The following MMP16 variants were observed in gnomAD, a reference collection of about 807,000 sequenced individuals.
MMP16 encodes the protein matrix metallopeptidase 16, also known as matrix metalloproteinase-16.
Under a neutral mutation model 67.8 loss-of-function variants are expected in MMP16, and 12 were observed. The observed-to-expected ratio is 0.18, with a 90% CI of 0.11 to 0.29. The LOEUF (loss-of-function observed/expected upper bound fraction) is 0.29, where lower values mean the gene tolerates loss of function less well. Among genes scored for constraint, MMP16 ranks in the 10% least tolerant of loss-of-function variants. The pLI, the probability that MMP16 is intolerant of heterozygous loss-of-function variation, is 1.00. For missense variants in MMP16, 475 were observed against 765.7 expected, an observed-to-expected ratio of 0.62 and a Z score of 4.48; for synonymous variants, 249 against 255.9, an observed-to-expected ratio of 0.97 and a Z score of 0.26.
At chr8:88,186,345 AATCT>A in intron 3 of MMP16, 127 bp downstream of exon 3, 2 of 1,198,842 alleles carry the variant, frequency 1.7e-6, no homozygotes, top group Non-Finnish European at 2.3e-6. Flanking sequence ...AGCAATTTTA[AATCT>A]CTTATGTTAA....
chr8:88,189,654 C>A (rs1742693427), intron 2 of MMP16, among the ~76,000 whole-genome samples: 1 of 152,142 alleles, frequency 6.6e-6, no homozygotes, highest in Admixed American at 6.6e-5. Flanking sequence ...GAGGGTGTCC[C>A]CTGTCCTCCT....
At chr8:88,183,044 C>T (rs190662073) in intron 3 of MMP16, among the ~76,000 whole-genome samples, 8 of 151,764 alleles carry the variant, frequency 5.3e-5, no homozygotes, top group Non-Finnish European at 1.2e-4. Context: ...CAGTGCTGGC[C>T]AGGGCTTTTG....
chr8:88,070,214 G>T (rs1176749615), intron 7 of MMP16, among the ~76,000 whole-genome samples: 1 of 152,080 alleles, frequency 6.6e-6, no homozygotes, highest in East Asian at 1.9e-4. Context: ...ACCTTGTTGG[G>T]TCAGTATCTC....
At chr8:88,302,849 G>A (rs1686191050) in intron 1 of MMP16, among the ~76,000 whole-genome samples, 1 of 152,158 alleles carries the variant, frequency 6.6e-6, no homozygotes, top group South Asian at 2.1e-4. Context: ...TAGGCAAATA[G>A]CTCGACCCAT....
intron 1 of MMP16, among the ~76,000 whole-genome samples, chr8:88,313,236 T>C (rs1343286975): frequency 6.6e-6 from 1 of 152,212 alleles, no homozygotes; most frequent in African/African-American, 2.4e-5. Flanking sequence ...TTTTAACATT[T>C]CATGCAGTGT....
At chr8:88,262,320 T>C (rs970500506) in intron 1 of MMP16, among the ~76,000 whole-genome samples, 1 of 152,238 alleles carries the variant, frequency 6.6e-6, no homozygotes, top group African/African-American at 2.4e-5. Context: ...TTTTGCAGGC[T>C]GTGTTTGTAT....
At chr8:88,118,644 G>C in intron 5 of MMP16, 56 bp downstream of exon 5, 1 of 1,484,894 alleles carries the variant, frequency 6.7e-7, no homozygotes, top group Non-Finnish European at 9.3e-7. Flanking sequence ...AGAAAACACA[G>C]CAGAAATTCT....
At chr8:88,303,183 G>A (rs1254544312) in intron 1 of MMP16, among the ~76,000 whole-genome samples, 5 of 152,138 alleles carry the variant, frequency 3.3e-5, no homozygotes, top group South Asian at 2.1e-4. Context: ...ACATACACCC[G>A]GGGGCGGGGC....
At position 88,247,485 on chromosome 8, in the gene MMP16, G is replaced by A. The variant is rs191161898; in HGVS notation, c.133-50179C>T. ...TCAAGTCAGCTCTTGTGCAGCACTA[G>A]TTGTTCCTGTGCATTCTCTATCTCT... On this transcript the variant is annotated intron_variant, in intron 1 of 9. Coordinates refer to ENST00000286614, the MANE Select transcript of MMP16 (RefSeq NM_005941.5). Among the ~76,000 whole-genome samples the A allele has an allele frequency of 1.7e-3, 255 of 152,212 alleles. 2 individuals are homozygous for A. The highest frequency in any genetic ancestry group is 5.8e-3 in the African/African-American group (243 of 41,548).
At chr8:88,052,440 A>G (rs1808282219) in intron 8 of MMP16, among the ~76,000 whole-genome samples, 1 of 152,014 alleles carries the variant, frequency 6.6e-6, no homozygotes, top group South Asian at 2.1e-4. Context: ...CACTGCTACC[A>G]TCATGTCTTC....
intron 1 of MMP16, among the ~76,000 whole-genome samples, chr8:88,267,876 T>C (rs2129965163): frequency 6.6e-6 from 1 of 152,302 alleles, no homozygotes; most frequent in South Asian, 2.1e-4. Context: ...CATATTCCTA[T>C]TCAATGATCC....
intron 1 of MMP16, among the ~76,000 whole-genome samples, chr8:88,227,163 G>A (rs1809783912): frequency 6.6e-6 from 1 of 151,826 alleles, no homozygotes; most frequent in African/African-American, 2.4e-5. Flanking sequence ...GTCTCACAAA[G>A]GCAGCTAAGT....
intron 1 of MMP16, among the ~76,000 whole-genome samples, chr8:88,227,902 AT>A (rs1453435313): frequency 6.6e-6 from 1 of 152,058 alleles, no homozygotes; most frequent in Non-Finnish European, 1.5e-5. Context: ...ATTTAAAAAA[AT>A]ATATTTAATA....
chr8:88,048,505 C>G (rs915788762), intron 8 of MMP16, among the ~76,000 whole-genome samples: 17 of 152,140 alleles, frequency 1.1e-4, no homozygotes, highest in Non-Finnish European at 2.2e-4. Context: ...TCGGGCAGCC[C>G]TATTGCTCTA....
chr8:88,321,767 T>C (rs1421315847), intron 1 of MMP16, among the ~76,000 whole-genome samples: 2 of 152,186 alleles, frequency 1.3e-5, no homozygotes, highest in Non-Finnish European at 2.9e-5. Context: ...ATTTCAAATT[T>C]GGAAATGGCC....
chr8:88,216,515 T>C (rs1185558227), intron 1 of MMP16, among the ~76,000 whole-genome samples: 1 of 152,178 alleles, frequency 6.6e-6, no homozygotes, highest in Non-Finnish European at 1.5e-5. Flanking sequence ...ATATTTTTCA[T>C]AGCAAAAGAG....
At chr8:88,245,781 T>G (rs1810104615) in intron 1 of MMP16, among the ~76,000 whole-genome samples, 1 of 152,104 alleles carries the variant, frequency 6.6e-6, no homozygotes, top group Admixed American at 6.6e-5. Context: ...AATGTGACAA[T>G]ATCAAGGTGT....
At chr8:88,147,944 A>G (rs186320988) in intron 4 of MMP16, among the ~76,000 whole-genome samples, 7 of 152,228 alleles carry the variant, frequency 4.6e-5, no homozygotes, top group Admixed American at 6.5e-5. Context: ...TGGGACTCCA[A>G]TTGTATTATA....
chr8:88,158,559 A>C (rs1368051635), intron 4 of MMP16, among the ~76,000 whole-genome samples: 1 of 152,198 alleles, frequency 6.6e-6, no homozygotes, highest in Non-Finnish European at 1.5e-5. Context: ...TAGATTCTGC[A>C]TATTAGCCCT....
Sources: gnomAD v4.1 joint callset for allele counts (sites outside exome capture counted in the v4.1 genomes callset) on GRCh38, gnomAD v4.1.1 for gene constraint, MANE v1.5 for transcripts, NCBI Gene and HGNC (gene_info 2026-07-23, HGNC 2026-07-21) for gene names.